Variants in ZFHX3 observed in about 807,000 individuals in gnomAD.
ZFHX3 encodes zinc finger homeobox protein 3.
Under a neutral mutation model 279.1 loss-of-function variants are expected in ZFHX3, and 42 were observed. The observed-to-expected ratio is 0.15, with a 90% CI of 0.12 to 0.19. The LOEUF (loss-of-function observed/expected upper bound fraction) is 0.19. Among genes scored for constraint, ZFHX3 ranks in the 10% least tolerant of loss-of-function variants. The pLI is 1.00. For missense variants in ZFHX3, 4,981 were observed against 4,754.0 expected (o/e 1.05, Z -1.40); for synonymous variants, 2,293 against 1,957.8 (o/e 1.17, Z -4.52).
intron 1 of ZFHX3, among the ~76,000 whole-genome samples, chr16:73,869,101 A>C (rs1364482434): frequency 6.6e-6 from 1 of 152,156 alleles, no homozygotes; most frequent in African/African-American, 2.4e-5. Context: ...TAACCTCCCC[A>C]GTAGCTAGTC....
intron 5 of ZFHX3, among the ~76,000 whole-genome samples, chr16:73,214,843 CTTT>C (rs386385051): frequency 1.5e-4 from 12 of 79,256 alleles, no homozygotes; most frequent in African/African-American, 3.6e-4. Flanking sequence ...TGCTGAAGGC[CTTT>C]TTTTTTTTTT....
intron 3 of ZFHX3, among the ~76,000 whole-genome samples, chr16:73,341,727 A>T (rs76980542): frequency 1.3e-5 from 2 of 152,246 alleles, no homozygotes; most frequent in African/African-American, 4.8e-5. Context: ...AAGAGATGGT[A>T]TATATACACA....
intron 2 of ZFHX3, among the ~76,000 whole-genome samples, chr16:73,506,449 T>C (rs1002029690): frequency 2.6e-5 from 4 of 152,150 alleles, no homozygotes; most frequent in African/African-American, 7.2e-5. Flanking sequence ...CCTTCCCCTA[T>C]TGAATAATCA....
chr16:73,029,392 T>G (rs777269377), intron 1 of ZFHX3, among the ~76,000 whole-genome samples: 1 of 152,120 alleles, frequency 6.6e-6, no homozygotes, highest in Non-Finnish European at 1.5e-5. Context: ...CTCCTTCTAC[T>G]AAAGGGGACA....
intron 2 of ZFHX3, among the ~76,000 whole-genome samples, chr16:73,636,156 C>G (rs1310254648): frequency 3.9e-5 from 6 of 152,098 alleles, no homozygotes; most frequent in Non-Finnish European, 8.8e-5. Context: ...AATGAAAGTC[C>G]TGAGCAGATC....
chr16:73,157,236 T>C (rs1967110546), intron 5 of ZFHX3, among the ~76,000 whole-genome samples: 1 of 151,892 alleles, frequency 6.6e-6, no homozygotes, highest in African/African-American at 2.4e-5. Context: ...TCCAGGTATG[T>C]TTGGGTAGAT....
intron 1 of ZFHX3, among the ~76,000 whole-genome samples, chr16:73,709,295 T>C (rs2053334485): frequency 6.7e-6 from 1 of 149,664 alleles, no homozygotes; most frequent in Non-Finnish European, 1.5e-5. Context: ...AGCTCAGGAG[T>C]TGGAGGTTAA....
At chr16:73,139,320 C>A (rs917363150) in intron 6 of ZFHX3, among the ~76,000 whole-genome samples, 2 of 151,982 alleles carry the variant, frequency 1.3e-5, no homozygotes, top group African/African-American at 4.8e-5. Context: ...ACTATGATAC[C>A]ACTGGCACGA....
At chr16:73,238,229 G>C (rs904475304) in intron 5 of ZFHX3, among the ~76,000 whole-genome samples, 7 of 152,102 alleles carry the variant, frequency 4.6e-5, no homozygotes, top group African/African-American at 1.7e-4. Flanking sequence ...ATTCTTAACT[G>C]TAAACACTTT....
At chr16:73,641,170 G>A (rs897600596) in intron 2 of ZFHX3, among the ~76,000 whole-genome samples, 1 of 152,152 alleles carries the variant, frequency 6.6e-6, no homozygotes, top group South Asian at 2.1e-4. Flanking sequence ...CCCAACACGT[G>A]TTTTCTGAGG....
chr16:73,395,937 CTTAGAG>C (rs2017119933), intron 3 of ZFHX3, among the ~76,000 whole-genome samples: 1 of 152,200 alleles, frequency 6.6e-6, no homozygotes, highest in Non-Finnish European at 1.5e-5. Flanking sequence ...ATATGTACAT[CTTAGAG>C]TTATACTTTT....
At chr16:73,685,199 C>T (rs1446030735) in intron 1 of ZFHX3, among the ~76,000 whole-genome samples, 2 of 148,786 alleles carry the variant, frequency 1.3e-5, no homozygotes, top group African/African-American at 5.0e-5. Flanking sequence ...TTGTATTTTG[C>T]TAGAGACAGG....
intron 7 of ZFHX3, among the ~76,000 whole-genome samples, chr16:73,097,969 C>T (rs1266499831): frequency 4.6e-5 from 7 of 152,118 alleles, no homozygotes; most frequent in African/African-American, 1.4e-4. Context: ...TATGTTTATC[C>T]ACTCCCCTGT....
intron 5 of ZFHX3, among the ~76,000 whole-genome samples, chr16:73,214,127 C>T (rs968610460): frequency 1.3e-5 from 2 of 152,174 alleles, no homozygotes; most frequent in South Asian, 4.1e-4. Flanking sequence ...TGTCAGTGTG[C>T]CCCTTTGTCC....
chr16:73,186,582 A>G (rs1967914787), intron 5 of ZFHX3, among the ~76,000 whole-genome samples: 1 of 149,956 alleles, frequency 6.7e-6, no homozygotes, highest in Non-Finnish European at 1.5e-5. Flanking sequence ...CACTCAAAAC[A>G]CTTAACTCCT....
intron 3 of ZFHX3, among the ~76,000 whole-genome samples, chr16:73,393,964 GTATA>G (rs889955450): frequency 2.1e-5 from 3 of 145,774 alleles, no homozygotes; most frequent in Non-Finnish European, 3.0e-5. Flanking sequence ...ATATTATAAA[GTATA>G]TATATCATAT....
intron 4 of ZFHX3, among the ~76,000 whole-genome samples, chr16:73,277,712 G>C (rs2014336777): frequency 6.6e-6 from 1 of 152,164 alleles, no homozygotes; most frequent in Non-Finnish European, 1.5e-5. Context: ...GTCTCTGCAT[G>C]AGTCCATTCT....
intron 2 of ZFHX3, among the ~76,000 whole-genome samples, chr16:73,667,152 C>T (rs1052539027): frequency 7.2e-5 from 11 of 152,092 alleles, no homozygotes; most frequent in South Asian, 2.1e-4. Context: ...CCACCACGCC[C>T]GGCTAATTTT....
chr16:73,752,473 C>T (rs1158937919), intron 1 of ZFHX3, among the ~76,000 whole-genome samples: 1 of 152,154 alleles, frequency 6.6e-6, no homozygotes, highest in Non-Finnish European at 1.5e-5. Flanking sequence ...TACTCTGTCT[C>T]TGTTTACTCT....
Sources: allele counts gnomAD v4.1 joint callset (sites outside exome capture counted in the v4.1 genomes callset), GRCh38; gene constraint gnomAD v4.1.1; transcripts MANE v1.5; gene names NCBI Gene and HGNC (gene_info 2026-07-23, HGNC 2026-07-21).